Variants in PTPRA observed in about 807,000 individuals in gnomAD.
PTPRA encodes the protein receptor-type tyrosine-protein phosphatase alpha.
A neutral mutation model predicts 104.8 loss-of-function variants in PTPRA; 25 were observed. The observed-to-expected ratio is 0.24, with a 90% CI of 0.17 to 0.33. PTPRA has a LOEUF of 0.33. Among genes scored for constraint, PTPRA ranks in the 10% least tolerant of loss-of-function variants. The pLI is 1.00. For missense variants in PTPRA, 765 were observed against 1,015.3 expected (o/e 0.75, Z 3.35); for synonymous variants, 323 against 368.9 (o/e 0.88, Z 1.43).
rs181145432 is a variant in PTPRA, at chr20:2,878,629, C to T, written c.-129+4869C>T. Among the ~76,000 whole-genome samples the T allele has an allele frequency of 4.6e-5, 7 of 152,284 alleles. No individual in the cohort carries two copies. The East Asian group carries it at 1.3e-3, about 29-fold the overall frequency. On this transcript the variant is annotated intron_variant, in intron 1 of 23. Coordinates refer to ENST00000399903, the MANE Select transcript of PTPRA (RefSeq NM_001385305.1). ...TTCTTTTGGATTATTTCCTTGGACT[C>T]TTACTCCCAACCTGGGCTCACCAAG...
At position 2,906,265 on chromosome 20, in the gene PTPRA, T is replaced by A. The variant is rs1463215469; in HGVS notation, c.-128-16942T>A. Among the ~76,000 whole-genome samples, 3 of 152,224 alleles carry A rather than the reference T, an allele frequency of 2.0e-5. No homozygotes were observed. In the East Asian group the frequency reaches 5.8e-4, roughly 29 times the overall value. The stretch of plus-strand genomic sequence containing the variant: ...AATATTTCAGTTACATTTTTAAAAT[T>A]ACCTGATATACTGTACTTTTTCATG... On this transcript the variant is annotated intron_variant, in intron 1 of 23. Coordinates refer to ENST00000399903, the MANE Select transcript of PTPRA (RefSeq NM_001385305.1).
chr20:2,988,103 T>C lies in PTPRA; in HGVS notation c.599T>C (p.Val200Ala), dbSNP rs2062984836. 1 of 1,576,816 alleles carries C rather than the reference T, an allele frequency of 6.3e-7. No homozygotes were observed. The highest frequency in any genetic ancestry group is 1.4e-5 in the African/African-American group (1 of 74,024). ...FRLSNGRTEDVEPQSVPLLAR... is the reference protein window; with the variant it reads ...FRLSNGRTEDAEPQSVPLLAR... ...TTATCCAACGGCCGCACTGAGGATGTGGGTAAGGCATTCCTTAATGTCATG... is the reference window on the plus strand; with the variant it reads ...TTATCCAACGGCCGCACTGAGGATGCGGGTAAGGCATTCCTTAATGTCATG... Residue 200 changes from valine (V) to alanine (A), a missense_variant and splice_region_variant, in exon 8 of 24, where the codon GTG becomes GCG. Val to Ala is a moderately conservative substitution (Grantham distance 64, BLOSUM62 0). Coordinates refer to ENST00000399903, the MANE Select transcript of PTPRA (RefSeq NM_001385305.1).
At chr20:2,864,901 G>A in the PTPRA span, 1 of 1,590,904 alleles carries the variant, frequency 6.3e-7, no homozygotes, top group Non-Finnish European at 8.6e-7. The surrounding 1 kb of genome is among the most constrained non-coding windows in gnomAD (Gnocchi z 5.2). Context: ...AGGGATGGGG[G>A]AGAAGACTGT....
intron 20 of PTPRA, among the ~76,000 whole-genome samples, chr20:3,029,820 G>A (rs962558410): frequency 5.3e-5 from 8 of 152,186 alleles, no homozygotes; most frequent in South Asian, 2.1e-4. Flanking sequence ...GAGCCACTGC[G>A]CCCAGTGTCT....
At chr20:2,971,583 A>C (rs1367544305) in intron 5 of PTPRA, among the ~76,000 whole-genome samples, 4 of 152,216 alleles carry the variant, frequency 2.6e-5, no homozygotes, top group Non-Finnish European at 4.4e-5. Flanking sequence ...GAACAAAGTT[A>C]AGCAGCTGGT....
intron 2 of PTPRA, among the ~76,000 whole-genome samples, chr20:2,928,914 C>T (rs1430446388): frequency 2.0e-5 from 3 of 150,732 alleles, no homozygotes; most frequent in African/African-American, 4.9e-5. Context: ...ACTGCAGCCT[C>T]GAGCTCCCAG....
At position 3,035,965 on chromosome 20, in the gene PTPRA, C is replaced by T. The variant is rs150508825; in HGVS notation, c.2198+24C>T. The T allele has an allele frequency of 3.9e-4, 624 of 1,612,352 alleles. 8 individuals carry two copies. In the East Asian group the frequency reaches 0.013, roughly 34 times the overall value. ...AGGTATGGCTCACCCTTGCCCTCAG[C>T]GGGAGAGAGAAAGCGAGGAGGGGCA... On this transcript the variant is annotated intron_variant, in intron 22 of 23. Transcript: ENST00000399903. This position sits in a 1 kb window ranked among gnomAD's most constrained non-coding sequence, Gnocchi z 5.8.
In PTPRA at chr20:2,965,140, C is replaced by G; in HGVS notation, c.353C>G (p.Thr118Arg). 60 of 1,614,196 alleles carry G rather than the reference C, an allele frequency of 3.7e-5. No homozygotes were observed. The highest frequency in any genetic ancestry group is 4.9e-5 in the Non-Finnish European group (58 of 1,180,020). ...LPDNQFTDAR[T>R]EPWEGNSSTA... is the part of the protein sequence containing the mutation. ...GATAACCAGTTCACGGATGCCAGAA[C>G]AGAACCCTGGGAGGGGAATTCCAGC... The change falls in exon 5 of 24, where the codon ACA becomes AGA. Residue 118 changes from threonine to arginine, a missense_variant. Physicochemically the swap from Thr to Arg is moderately conservative, Grantham distance 71 (BLOSUM62 -1). Around this residue, in one of 4 missense-constraint regions of PTPRA, gnomAD observed 256 missense variants for 248.9 expected, o/e 1.03. Transcript: ENST00000399903.
rs1394149438 is a variant in PTPRA, at chr20:2,980,726, A to G, written c.442+5485A>G. On this transcript the variant is annotated intron_variant, in intron 6 of 23. Coordinates refer to ENST00000399903, the MANE Select transcript of PTPRA (RefSeq NM_001385305.1). The stretch of plus-strand genomic sequence containing the variant: ...TAAGAAAAAAAATTTTTTTAAATCA[A>G]TATGGCATCCTGTTGCACAAATTGC... Among the ~76,000 whole-genome samples, 5 of 152,126 alleles carry G rather than the reference A, an allele frequency of 3.3e-5. No individual in the cohort carries two copies. In the East Asian group the frequency reaches 9.6e-4, roughly 29 times the overall value.
At chr20:2,871,250 G>A (rs1382565368), upstream of PTPRA, among the ~76,000 whole-genome samples, 1 of 152,160 alleles carries the variant, frequency 6.6e-6, no homozygotes, top group Non-Finnish European at 1.5e-5. Context: ...TTGCCAAGCT[G>A]AACATGCCTA....
intron 10 of PTPRA, 106 bp from the exon 11 acceptor site, chr20:3,007,238 G>A: frequency 7.5e-6 from 8 of 1,068,396 alleles, no homozygotes; most frequent in East Asian, 4.9e-5. Context: ...TTATACAAGC[G>A]TGAGTCTGTG....
In PTPRA at chr20:2,988,417, A is replaced by G. The variant is rs745661465; in HGVS notation, c.681A>G (p.Glu227=). The change falls in exon 9 of 24, where the codon GAA becomes GAG. Residue 227 remains glutamate, a synonymous_variant. Coordinates refer to ENST00000399903, the MANE Select transcript of PTPRA (RefSeq NM_001385305.1). ...KYPPLPVDKL[E]EEINRRMADD... is the part of the protein sequence containing the mutation. ...CACCCCTGCCCGTGGACAAGCTGGA[A>G]GAGGAAATTAACCGGAGAATGGCAG... 14 of 1,612,938 alleles carry G rather than the reference A, an allele frequency of 8.7e-6. No individual in the cohort carries two copies. In the Admixed American group the frequency reaches 2.0e-4, roughly 23 times the overall value.
intron 13 of PTPRA, among the ~76,000 whole-genome samples, chr20:3,019,143 C>T (rs1350219962): frequency 7.0e-5 from 10 of 141,892 alleles, no homozygotes; most frequent in African/African-American, 1.9e-4. Context: ...GGCGGCTGGC[C>T]GGGCGGGGGG....
chr20:2,865,445 G>A, the PTPRA span: 6 of 1,614,054 alleles, frequency 3.7e-6, no homozygotes, highest in Non-Finnish European at 5.1e-6. The surrounding 1 kb of genome is among the most constrained non-coding windows in gnomAD (Gnocchi z 5.2). Context: ...GGAAGATTGG[G>A]AAGAGCTAGA....
At chr20:3,036,041 G>C (rs1281884862) in intron 22 of PTPRA, 100 bp downstream of exon 22, 1 of 1,566,456 alleles carries the variant, frequency 6.4e-7, no homozygotes, top group Admixed American at 1.8e-5. Context: ...CCATACAAGA[G>C]CAAGATATTG....
rs560044570 is a variant in PTPRA at position 3,035,232 on chromosome 20, G to A, written c.1921-353G>A. On this transcript the variant is annotated intron_variant, in intron 20 of 23. Coordinates refer to ENST00000399903, the MANE Select transcript of PTPRA (RefSeq NM_001385305.1). The surrounding 1 kb of genome is among the most constrained non-coding windows in gnomAD (Gnocchi z 5.8). The stretch of plus-strand genomic sequence containing the variant: ...TGATTTTCTGAATTAGCAGTCTGGC[G>A]GATGTAAGCAGCATTAAATATGAAA... Among the ~76,000 whole-genome samples, 7 of 152,242 alleles carry A rather than the reference G, an allele frequency of 4.6e-5. No individual in the cohort carries two copies. In the South Asian group the frequency reaches 1.2e-3, roughly 27 times the overall value.
rs144689440 is a variant in PTPRA, at chr20:3,031,972, C to T, written c.1921-3613C>T. 4.3e-3 allele frequency among the ~76,000 whole-genome samples: 652 copies of T among 152,328 alleles called. 5 individuals carry two copies. Among genetic ancestry groups the T allele is most frequent in the Non-Finnish European group, 5.3e-3 (359 of 68,026 alleles). ...CACAAAACAGTGCCAAATGCTCTCA[C>T]ACTGAACTCATGACCACAAATCTCA... On this transcript the variant is annotated intron_variant, in intron 20 of 23. Transcript: ENST00000399903.
chr20:3,038,310 C>G lies in PTPRA; in HGVS notation c.*177C>G. On this transcript the variant is annotated 3_prime_UTR_variant, in exon 24 of 24. Coordinates refer to ENST00000399903, the MANE Select transcript of PTPRA (RefSeq NM_001385305.1). ...TGTAAATGTGTTAGCACTGATAGTCCTTTTTCCAATGTTTTATTGGGGAAT... is the reference window on the plus strand; with the variant it reads ...TGTAAATGTGTTAGCACTGATAGTCGTTTTTCCAATGTTTTATTGGGGAAT... 1.8e-6 allele frequency: 1 copy of G among 563,508 alleles called. No homozygotes were observed. Among genetic ancestry groups the G allele is most frequent in the South Asian group, 2.3e-5 (1 of 43,966 alleles). 34.9% of individuals were successfully genotyped at this position (563,508 alleles called of 1,614,324 possible). A position where few individuals can be genotyped will look rare whatever the true frequency, so the allele number is the denominator to read the frequency against.
intron 6 of PTPRA, among the ~76,000 whole-genome samples, chr20:2,980,762 G>A (rs6037443): frequency 0.5 from 76,345 of 151,948 alleles, 22,529 homozygotes; most frequent in African/African-American, 0.81. Context: ...AGTATATTTT[G>A]AAAGATTTAT....
Sources: gnomAD v4.1 joint callset for allele counts (sites outside exome capture counted in the v4.1 genomes callset) on GRCh38, gnomAD v4.1.1 for gene constraint, gnomAD v4.1.1 regional missense constraint, Gnocchi (gnomAD v3.1) non-coding constraint, MANE v1.5 for transcripts, NCBI Gene and HGNC (gene_info 2026-07-23, HGNC 2026-07-21) for gene names.